NIBAN1: variants seen among roughly 807,000 people sequenced by gnomAD.
The protein encoded by NIBAN1 is niban apoptosis regulator 1.
Under a neutral mutation model 75.1 loss-of-function variants are expected in NIBAN1, and 81 were observed. The observed-to-expected ratio is 1.08, with a 90% CI of 0.90 to 1.30. The LOEUF is 1.30. NIBAN1 is among the 50% of genes most tolerant of loss of function. The probability of loss-of-function intolerance (pLI) is 0.00; values close to 1 mark genes in which losing one functional copy is unlikely to be tolerated. For synonymous variants in NIBAN1, 436 were observed against 424.8 expected (o/e 1.03, Z -0.32); for missense variants, 1,133 against 1,128.1 (o/e 1.00, Z -0.06).
chr1:184,819,710 C>T (rs1654642019), intron 8 of NIBAN1, among the ~76,000 whole-genome samples: 1 of 152,164 alleles, frequency 6.6e-6, no homozygotes, highest in African/African-American at 2.4e-5. Context: ...GTCACAGAGC[C>T]TTGTCATAGA....
chr1:184,831,791 G>C, intron 6 of NIBAN1, 56 bp downstream of exon 6: 2 of 1,231,032 alleles, frequency 1.6e-6, no homozygotes, highest in African/African-American at 1.5e-5. Flanking sequence ...CCCTGACTTC[G>C]TATCACCCAA....
At chr1:184,966,190 G>A (rs1406715099) in intron 1 of NIBAN1, among the ~76,000 whole-genome samples, 1 of 152,196 alleles carries the variant, frequency 6.6e-6, no homozygotes, top group Admixed American at 6.5e-5. Context: ...TTGAATCTGG[G>A]CTGGCTCTGA....
chr1:184,886,043 C>T (rs933521459), intron 4 of NIBAN1, among the ~76,000 whole-genome samples: 4 of 152,134 alleles, frequency 2.6e-5, no homozygotes, highest in Admixed American at 1.3e-4. Context: ...TCACCCATTC[C>T]GTGACTTTTT....
intron 1 of NIBAN1, among the ~76,000 whole-genome samples, chr1:184,917,389 T>TC (rs1179502890): frequency 8.8e-5 from 13 of 147,832 alleles, no homozygotes; most frequent in Admixed American, 8.1e-4. Flanking sequence ...TTTTTTTTTT[T>TC]TTTTAGTAGA....
intron 1 of NIBAN1, among the ~76,000 whole-genome samples, chr1:184,955,941 A>T (rs1230810961): frequency 6.6e-6 from 1 of 152,050 alleles, no homozygotes; most frequent in South Asian, 2.1e-4. Context: ...TTATCTGCAG[A>T]TGTATGCACA....
intron 1 of NIBAN1, among the ~76,000 whole-genome samples, chr1:184,958,086 G>T (rs1388106733): frequency 6.6e-6 from 1 of 152,058 alleles, no homozygotes; most frequent in Non-Finnish European, 1.5e-5. Flanking sequence ...GTAGCCAAAG[G>T]CCTGGCACAG....
At chr1:184,831,735 A>T (rs1052119317) in intron 6 of NIBAN1, 112 bp downstream of exon 6, 1 of 743,966 alleles carries the variant, frequency 1.3e-6, no homozygotes. Context: ...TTGGAACCAC[A>T]TCTTCCATAC....
At chr1:184,954,068 T>G (rs1238878569) in intron 1 of NIBAN1, among the ~76,000 whole-genome samples, 2 of 152,254 alleles carry the variant, frequency 1.3e-5, no homozygotes, top group Non-Finnish European at 2.9e-5. Flanking sequence ...TAAGAAACTT[T>G]TTAAACATCT....
intron 5 of NIBAN1, among the ~76,000 whole-genome samples, chr1:184,881,523 G>C (rs1484538404): frequency 2.0e-5 from 3 of 152,182 alleles, no homozygotes; most frequent in Non-Finnish European, 4.4e-5. Flanking sequence ...GATCCCAAGA[G>C]AGGGTTCTTG....
intron 1 of NIBAN1, among the ~76,000 whole-genome samples, chr1:184,939,660 G>A (rs1417862026): frequency 6.6e-6 from 1 of 152,148 alleles, no homozygotes. Context: ...GAAAAACTGT[G>A]GGCAAGTTAT....
intron 1 of NIBAN1, among the ~76,000 whole-genome samples, chr1:184,936,389 C>A (rs1287878788): frequency 6.6e-6 from 1 of 152,216 alleles, no homozygotes; most frequent in Non-Finnish European, 1.5e-5. Context: ...AGCTCTCTGT[C>A]AGGCCTCATA....
chr1:184,953,420 A>G (rs1000605466), intron 1 of NIBAN1, among the ~76,000 whole-genome samples: 4 of 152,248 alleles, frequency 2.6e-5, no homozygotes, highest in Non-Finnish European at 5.9e-5. Context: ...TCTTCTAAAA[A>G]TGAGACATAT....
chr1:184,902,116 C>G (rs532242608), intron 1 of NIBAN1, among the ~76,000 whole-genome samples: 1 of 152,214 alleles, frequency 6.6e-6, no homozygotes, highest in African/African-American at 2.4e-5. Flanking sequence ...TGCTTGTAAG[C>G]TAGCACTTTG....
At chr1:184,951,259 G>A (rs1658350585) in intron 1 of NIBAN1, among the ~76,000 whole-genome samples, 1 of 152,178 alleles carries the variant, frequency 6.6e-6, no homozygotes, top group Admixed American at 6.5e-5. Flanking sequence ...ATTTAGATGA[G>A]GTAACACGTG....
chr1:184,974,223 C>T, intron 1 of NIBAN1, 79 bp downstream of exon 1: 5 of 1,375,354 alleles, frequency 3.6e-6, no homozygotes, highest in Middle Eastern at 2.6e-4. Context: ...CGGGGCGCGC[C>T]CCTTGGGGCC....
intron 10 of NIBAN1, among the ~76,000 whole-genome samples, chr1:184,806,978 C>A (rs1311950613): frequency 6.6e-6 from 1 of 152,070 alleles, no homozygotes; most frequent in Non-Finnish European, 1.5e-5. Flanking sequence ...CCATGTTGGC[C>A]AGGCTGGTCT....
At position 184,803,600 on chromosome 1, in the gene NIBAN1, C is replaced by T. The variant is rs760027367; in HGVS notation, c.1539G>A (p.Ala513=). ...ATCCCCTTACTGGTTTGCATGTGGA[C>T]GCCAGTGCCTTCTGCACAGTGGGAA... The part of the protein sequence containing the change: ...ITLPTVQKAL[A]STCKPELQKY... Residue 513 remains alanine, a synonymous_variant, in exon 12 of 14, where the codon GCG becomes GCA. Coordinates refer to ENST00000367511, the MANE Select transcript of NIBAN1 (RefSeq NM_052966.4). 1.8e-5 allele frequency: 29 copies of T among 1,613,808 alleles called. No individual in the cohort carries two copies. Among genetic ancestry groups the T allele is most frequent in the South Asian group, 6.6e-5 (6 of 91,070 alleles).
At chr1:184,806,088 A>G in intron 10 of NIBAN1, 32 bp from the exon 11 acceptor site, 31 of 1,576,738 alleles carry the variant, frequency 2.0e-5, no homozygotes, top group Non-Finnish European at 2.7e-5. Flanking sequence ...GAAACAGACA[A>G]CAGTCAGGGG....
At chr1:184,840,136 T>A (rs1655244170) in intron 5 of NIBAN1, among the ~76,000 whole-genome samples, 2 of 152,330 alleles carry the variant, frequency 1.3e-5, no homozygotes, top group South Asian at 4.1e-4. Flanking sequence ...TAATAAAAGT[T>A]TTAATTTTTA....
Sources: gnomAD v4.1 joint callset for allele counts (sites outside exome capture counted in the v4.1 genomes callset) on GRCh38, gnomAD v4.1.1 for gene constraint, MANE v1.5 for transcripts, NCBI Gene and HGNC (gene_info 2026-07-23, HGNC 2026-07-21) for gene names.